The following KIAA1549L variants were observed in gnomAD, a reference collection of about 807,000 sequenced individuals.
The protein encoded by KIAA1549L is UPF0606 protein KIAA1549L.
KIAA1549L carries 88 observed loss-of-function variants against 160.7 expected under a neutral mutation model. That is an observed-to-expected ratio of 0.55 (90% CI 0.46 to 0.65). The LOEUF (loss-of-function observed/expected upper bound fraction) is 0.65, where lower values mean the gene tolerates loss of function less well. Among genes scored for constraint, KIAA1549L ranks in the 30% least tolerant of loss-of-function variants. The pLI, the probability that KIAA1549L is intolerant of heterozygous loss-of-function variation, is 0.00. For missense variants in KIAA1549L, 2,258 were observed against 2,437.5 expected (o/e 0.93, Z 1.55); for synonymous variants, 950 against 976.7 (o/e 0.97, Z 0.51).
At chr11:33,378,286 G>T (rs908051783) in intron 1 of KIAA1549L, among the ~76,000 whole-genome samples, 1 of 152,178 alleles carries the variant, frequency 6.6e-6, no homozygotes, top group Non-Finnish European at 1.5e-5. Flanking sequence ...TCTGTAATAT[G>T]TGAAACTGGC....
intron 1 of KIAA1549L, among the ~76,000 whole-genome samples, chr11:33,498,292 C>G (rs1484886718): frequency 6.6e-6 from 1 of 152,152 alleles, no homozygotes; most frequent in East Asian, 1.9e-4. Context: ...CCAATTTTTT[C>G]TCTGAACCTG....
intron 16 of KIAA1549L, among the ~76,000 whole-genome samples, chr11:33,634,975 G>C (rs1481241045): frequency 6.6e-6 from 1 of 152,106 alleles, no homozygotes; most frequent in Non-Finnish European, 1.5e-5. Flanking sequence ...GCACGCCTTT[G>C]CAGAAAAGTG....
At chr11:33,409,683 C>T (rs775772350) in intron 1 of KIAA1549L, among the ~76,000 whole-genome samples, 4 of 151,452 alleles carry the variant, frequency 2.6e-5, no homozygotes, top group Non-Finnish European at 5.9e-5. Flanking sequence ...TTTTGAATGA[C>T]TTCATTTGAT....
intron 12 of KIAA1549L, among the ~76,000 whole-genome samples, chr11:33,594,861 A>G (rs974210506): frequency 6.6e-6 from 1 of 152,254 alleles, no homozygotes; most frequent in Non-Finnish European, 1.5e-5. Context: ...TTGACTTGCA[A>G]GTAGTATTAC....
At chr11:33,615,169 A>G (rs1195949764) in intron 15 of KIAA1549L, among the ~76,000 whole-genome samples, 1 of 152,052 alleles carries the variant, frequency 6.6e-6, no homozygotes, top group African/African-American at 2.4e-5. Flanking sequence ...TCATTCTAGA[A>G]CCTGCTTCTA....
intron 16 of KIAA1549L, among the ~76,000 whole-genome samples, chr11:33,624,639 T>C (rs1189355616): frequency 1.3e-5 from 2 of 152,196 alleles, no homozygotes; most frequent in African/African-American, 4.8e-5. Flanking sequence ...TATTGTACAT[T>C]GCAGATTATG....
rs774094014 is a variant in KIAA1549L at position 33,542,867 on chromosome 11, A to G, written c.1304A>G (p.Lys435Arg). 3.1e-6 allele frequency: 5 copies of G among 1,613,972 alleles called. No individual in the cohort carries two copies. The highest frequency in any genetic ancestry group is 1.1e-5 in the South Asian group (1 of 91,062). ...GGGGCCATAGAAATGACCAGCAGAAAGCTAGCCTCTGCCACTGCAAATGAC... is the reference window on the plus strand; with the variant it reads ...GGGGCCATAGAAATGACCAGCAGAAGGCTAGCCTCTGCCACTGCAAATGAC... Reference protein sequence around the residue: ...ESGAIEMTSRKLASATANDSA... With the variant: ...ESGAIEMTSRRLASATANDSA... Residue 435 changes from lysine (K) to arginine (R), a missense_variant, in exon 2 of 21, where the codon AAG (lysine) becomes AGG (arginine). Around this residue, in one of 6 missense-constraint regions of KIAA1549L, gnomAD observed 540 missense variants for 465.7 expected, o/e 1.16. Transcript: ENST00000658780.
chr11:33,541,884 G>C lies in KIAA1549L; in HGVS notation c.321G>C (p.Trp107Cys). ...AATTGTTACCAATTTCACCAACATG[G>C]CCTTTCACAGAAGTCAGGTCTTCCT... ...PGKLLPISPT[W>C]PFTEVRSSSA... Residue 107 changes from tryptophan to cysteine, a missense_variant, in exon 2 of 21, where the codon TGG (tryptophan) becomes TGC (cysteine). Physicochemically the swap from Trp to Cys is radical, Grantham distance 215 (BLOSUM62 -2). Around this residue, in one of 6 missense-constraint regions of KIAA1549L, gnomAD observed 540 missense variants for 465.7 expected, o/e 1.16. Transcript: ENST00000658780. 3.8e-6 allele frequency: 1 copy of C among 263,470 alleles called. No homozygotes were observed. The highest frequency in any genetic ancestry group is 8.0e-6 in the Non-Finnish European group (1 of 125,166). 16.3% of individuals were successfully genotyped at this position (263,470 alleles called of 1,614,324 possible).
chr11:33,610,097 C>G, intron 15 of KIAA1549L, 131 bp downstream of exon 15: 1 of 676,002 alleles, frequency 1.5e-6, no homozygotes, highest in South Asian at 1.8e-5. Context: ...TGATTTGTAC[C>G]ACGCTGGTCT....
At chr11:33,454,808 G>A (rs1851788682) in intron 1 of KIAA1549L, among the ~76,000 whole-genome samples, 1 of 152,202 alleles carries the variant, frequency 6.6e-6, no homozygotes, top group Admixed American at 6.5e-5. Flanking sequence ...ACCATTTGGT[G>A]GCTGGGCGCG....
chr11:33,672,805 G>C lies in KIAA1549L; in HGVS notation c.*4651G>C, dbSNP rs35549148. 0.025 allele frequency: 3,840 copies of C among 153,906 alleles called. 50 individuals carry two copies. The highest frequency in any genetic ancestry group is 0.028 in the Non-Finnish European group (1,936 of 68,040). The allele number at this position is 153,906 out of a possible 1,614,324, so 9.5% of individuals were successfully genotyped here. On this transcript the variant is annotated 3_prime_UTR_variant, in exon 21 of 21. Coordinates refer to ENST00000658780, the MANE Select transcript of KIAA1549L (RefSeq NM_012194.3). ...GGAAGCGATTTCTGAACAAGGCCCA[G>C]TTAGCACAATGTCTTGCTCAGCAGA...
chr11:33,417,186 C>T (rs1440924562), intron 1 of KIAA1549L, among the ~76,000 whole-genome samples: 1 of 152,164 alleles, frequency 6.6e-6, no homozygotes, highest in Non-Finnish European at 1.5e-5. Flanking sequence ...CTGGCACATA[C>T]AACATCGGAC....
intron 1 of KIAA1549L, among the ~76,000 whole-genome samples, chr11:33,380,079 A>G (rs938426502): frequency 6.6e-6 from 1 of 152,166 alleles, no homozygotes; most frequent in Non-Finnish European, 1.5e-5. Flanking sequence ...GGAAAAGTAA[A>G]GGGTTCTTTG....
chr11:33,491,821 A>G (rs769860860), intron 1 of KIAA1549L, among the ~76,000 whole-genome samples: 12 of 152,204 alleles, frequency 7.9e-5, no homozygotes, highest in Admixed American at 5.2e-4. Flanking sequence ...CACTCTGACC[A>G]GTGACAAACC....
At chr11:33,530,427 AAAAAAAAAAATATATATATATATATATAT>A (rs1175328873) in intron 1 of KIAA1549L, among the ~76,000 whole-genome samples, 1,403 of 44,116 alleles carry the variant, frequency 0.032, 130 homozygotes, top group Non-Finnish European at 0.037. Flanking sequence ...AAAAAAAAAA[AAAAAAAAAAATATATATATATATATATAT>A]ATATATATAT....
rs1251529922 is a variant in KIAA1549L, at chr11:33,376,753, C to T, written c.102C>T (p.Ala34=). ...TGGCGCGTGGGCTTGGTCGGGCTGC[C>T]TGGGGAGCCGCGCGCTGCACGGGTG... ...RPVARGLGRA[A]WGAARCTGVR... The change falls in exon 1 of 21, where the codon GCC becomes GCT. Residue 34 remains alanine, a synonymous_variant. Transcript: ENST00000658780. The surrounding 1 kb of genome is among the most constrained non-coding windows in gnomAD (Gnocchi z 5.8). The T allele has an allele frequency of 6.6e-6, 1 of 151,730 alleles. No individual in the cohort carries two copies. The highest frequency in any genetic ancestry group is 3.4e-3 in the Middle Eastern group (1 of 290). 9.4% of individuals were successfully genotyped at this position (151,730 alleles called of 1,614,324 possible).
chr11:33,407,644 C>CT, intron 1 of KIAA1549L, among the ~76,000 whole-genome samples: 1 of 152,268 alleles, frequency 6.6e-6, no homozygotes, highest in African/African-American at 2.4e-5. Context: ...CCACCGTGCC[C>CT]TGCCCTAATC....
chr11:33,513,386 C>A (rs1853269826), intron 1 of KIAA1549L, among the ~76,000 whole-genome samples: 1 of 152,088 alleles, frequency 6.6e-6, no homozygotes, highest in African/African-American at 2.4e-5. Context: ...TAGTGACACT[C>A]ATATTAGCTG....
chr11:33,492,705 CT>C (rs1852709783), intron 1 of KIAA1549L, among the ~76,000 whole-genome samples: 1 of 152,144 alleles, frequency 6.6e-6, no homozygotes, highest in Admixed American at 6.6e-5. Flanking sequence ...AGTTCTGCTT[CT>C]TTAGCGAGAT....
Sources: gnomAD v4.1 joint callset for allele counts (sites outside exome capture counted in the v4.1 genomes callset) on GRCh38, gnomAD v4.1.1 for gene constraint, gnomAD v4.1.1 regional missense constraint, Gnocchi (gnomAD v3.1) non-coding constraint, MANE v1.5 for transcripts, NCBI Gene and HGNC (gene_info 2026-07-23, HGNC 2026-07-21) for gene names.